DHRSX: variants seen among roughly 807,000 people sequenced by gnomAD.
DHRSX encodes the protein polyprenol dehydrogenase.
Under a neutral mutation model 34.0 loss-of-function variants are expected in DHRSX, and 31 were observed. The observed-to-expected ratio is 0.91, with a 90% CI of 0.69 to 1.23. The LOEUF is 1.23. Ranked by LOEUF, DHRSX falls within the 50% of genes most tolerant of loss-of-function variation. The pLI is 0.00. For missense variants in DHRSX, 414 were observed against 428.1 expected, an observed-to-expected ratio of 0.97 and a Z score of 0.29; for synonymous variants, 201 against 183.8, an observed-to-expected ratio of 1.09 and a Z score of -0.76.
chrX:2,382,540 CCAT>C (rs1325712786), intron 3 of DHRSX, among the ~76,000 whole-genome samples: 12 of 103,268 alleles, frequency 1.2e-4, no homozygotes, highest in Middle Eastern at 4.6e-3. Flanking sequence ...ACCATCATCA[CCAT>C]CATCATCATC....
At chrX:2,261,251 A>G (rs960125852) in intron 5 of DHRSX, 5 of 152,206 alleles carry the variant, frequency 3.3e-5, no homozygotes, top group African/African-American at 1.2e-4. Flanking sequence ...GCATATAAGC[A>G]ATACCGTCAA....
At chrX:2,479,751 C>T (rs1470216592) in intron 1 of DHRSX, among the ~76,000 whole-genome samples, 1 of 152,090 alleles carries the variant, frequency 6.6e-6, no homozygotes, top group Non-Finnish European at 1.5e-5. Flanking sequence ...TGAAGACGTT[C>T]TCTAAGAATG....
At chrX:2,302,824 G>A (rs948261411) in intron 3 of DHRSX, among the ~76,000 whole-genome samples, 2 of 152,082 alleles carry the variant, frequency 1.3e-5, no homozygotes, top group African/African-American at 4.8e-5. Context: ...AACACACTGA[G>A]AGCTTCTAGT....
intron 4 of DHRSX, among the ~76,000 whole-genome samples, chrX:2,283,034 A>G (rs1172392247): frequency 3.3e-5 from 5 of 150,914 alleles, no homozygotes; most frequent in Admixed American, 6.6e-5. Context: ...AGACGGGGAG[A>G]AGGAGGAGAG....
At chrX:2,238,760 TTTTTAA>T (rs2016074880) in intron 6 of DHRSX, among the ~76,000 whole-genome samples, 1 of 151,754 alleles carries the variant, frequency 6.6e-6, no homozygotes, top group Non-Finnish European at 1.5e-5. Context: ...ATTTTTTTTT[TTTTTAA>T]TAGAGATGGT....
At chrX:2,305,966 G>A (rs1465709559) in intron 3 of DHRSX, among the ~76,000 whole-genome samples, 2 of 151,824 alleles carry the variant, frequency 1.3e-5, no homozygotes, top group Non-Finnish European at 2.9e-5. Flanking sequence ...TTCTGCACAT[G>A]TACCCCAGAA....
At chrX:2,495,124 T>C (rs947798739) in intron 1 of DHRSX, among the ~76,000 whole-genome samples, 23 of 150,808 alleles carry the variant, frequency 1.5e-4, no homozygotes, top group Admixed American at 1.3e-4. Context: ...TCTATCATTA[T>C]TATCATTATT....
Position 2,453,912 on chromosome X carries a change from G to A in DHRSX, c.110-28608C>T, listed in dbSNP as rs144802972. ...ATATGTTAATTAGCTTGGTTAATAC[G>A]TTATTAGCTTTATTTTAATATGTTA... On this transcript the variant is annotated intron_variant, in intron 1 of 6. Transcript: ENST00000334651. 4.7e-3 allele frequency among the ~76,000 whole-genome samples: 710 copies of A among 152,050 alleles called. 5 individuals carry two copies. The highest frequency in any genetic ancestry group is 0.016 in the African/African-American group (669 of 41,490).
At chrX:2,479,577 C>A (rs1162005802) in intron 1 of DHRSX, among the ~76,000 whole-genome samples, 1 of 147,418 alleles carries the variant, frequency 6.8e-6, no homozygotes, top group South Asian at 2.2e-4. Flanking sequence ...AGAAAACGGC[C>A]AAGGGACGGC....
At chrX:2,489,744 C>A (rs767734326) in intron 1 of DHRSX, 4 of 1,613,262 alleles carry the variant, frequency 2.5e-6, no homozygotes, top group Non-Finnish European at 3.4e-6. Flanking sequence ...ATGGCCACGG[C>A]AGACTGCTGG....
intron 1 of DHRSX, among the ~76,000 whole-genome samples, chrX:2,494,600 C>T (rs955363724): frequency 3.3e-5 from 5 of 151,822 alleles, no homozygotes; most frequent in African/African-American, 1.2e-4. Context: ...AAGGTTCTGG[C>T]ACTTCAGTCA....
chrX:2,298,612 A>ACACACACACGCACACACACACACACG lies in DHRSX; in HGVS notation c.287-7010_287-7009insCGTGTGTGTGTGTGTGCGTGTGTGTG, dbSNP rs2041967541. 1.6e-4 allele frequency among the ~76,000 whole-genome samples: 9 copies of ACACACACACGCACACACACACACACG among 57,252 alleles called. 1 individual carries two copies. The highest frequency in any genetic ancestry group is 4.6e-4 in the African/African-American group (9 of 19,404). The allele number at this position is 57,252 out of a possible 152,430, so 37.6% of individuals were successfully genotyped here. A position where few individuals can be genotyped will look rare whatever the true frequency, so the allele number is the denominator to read the frequency against. ...TGCAGGCGCGTGTGTACACACACAC[A>ACACACACACGCACACACACACACACG]CACACACACACACACACACACACAC... On this transcript the variant is annotated intron_variant, in intron 3 of 6. Coordinates refer to ENST00000334651, the MANE Select transcript of DHRSX (RefSeq NM_145177.3).
chrX:2,276,691 A>G lies in DHRSX; in HGVS notation c.389-9744T>C, dbSNP rs374367545. Among the ~76,000 whole-genome samples the G allele has an allele frequency of 2.3e-3, 352 of 150,242 alleles. 4 individuals are homozygous for G. Among genetic ancestry groups the G allele is most frequent in the African/African-American group, 7.9e-3 (324 of 41,248 alleles). Reference sequence around the variant, plus strand: ...GGAGAGTTCTCCGCTCTCCAAGCGGAGAACTCCAGAGAAAGGAGAGTGATG... The same window carrying G: ...GGAGAGTTCTCCGCTCTCCAAGCGGGGAACTCCAGAGAAAGGAGAGTGATG... On this transcript the variant is annotated intron_variant, in intron 4 of 6. Coordinates refer to ENST00000334651, the MANE Select transcript of DHRSX (RefSeq NM_145177.3).
chrX:2,450,966 G>A (rs775410485), intron 1 of DHRSX, among the ~76,000 whole-genome samples: 15 of 152,026 alleles, frequency 9.9e-5, no homozygotes, highest in South Asian at 4.2e-4. Flanking sequence ...CCCCTTCCAC[G>A]CAGAGAAAAT....
chrX:2,289,947 G>A (rs2041846966), intron 4 of DHRSX, among the ~76,000 whole-genome samples: 1 of 152,186 alleles, frequency 6.6e-6, no homozygotes, highest in Non-Finnish European at 1.5e-5. Flanking sequence ...TTTCTTACCA[G>A]GCTAAGTACA....
At chrX:2,440,360 C>G (rs781331686) in intron 1 of DHRSX, among the ~76,000 whole-genome samples, 28 of 151,828 alleles carry the variant, frequency 1.8e-4, no homozygotes, top group African/African-American at 6.8e-4. Flanking sequence ...ACCAGCATGG[C>G]CAGATAATTT....
At chrX:2,259,912 G>T (rs62595500) in intron 5 of DHRSX, among the ~76,000 whole-genome samples, 106,380 of 151,972 alleles carry the variant, frequency 0.7, 38,577 homozygotes, top group African/African-American at 0.8. Flanking sequence ...TAATTACACC[G>T]GCAAAGTTCT....
chrX:2,296,124 C>T (rs371325423), intron 3 of DHRSX, among the ~76,000 whole-genome samples: 13 of 152,186 alleles, frequency 8.5e-5, no homozygotes, highest in African/African-American at 2.9e-4. Context: ...CACCTCCTCA[C>T]TTGCATGACC....
chrX:2,480,913 A>G (rs1379027634), intron 1 of DHRSX, among the ~76,000 whole-genome samples: 1 of 152,224 alleles, frequency 6.6e-6, no homozygotes, highest in Non-Finnish European at 1.5e-5. Context: ...CATTAATAAT[A>G]ATACATTGCG....
Sources: allele counts gnomAD v4.1 joint callset (sites outside exome capture counted in the v4.1 genomes callset), GRCh38; gene constraint gnomAD v4.1.1; transcripts MANE v1.5; gene names NCBI Gene and HGNC (gene_info 2026-07-23, HGNC 2026-07-21).